THSD7B: variants seen among roughly 807,000 people sequenced by gnomAD.
THSD7B encodes the protein thrombospondin type-1 domain-containing protein 7B.
A neutral mutation model predicts 213.6 loss-of-function variants in THSD7B; 138 were observed. The ratio of observed to expected loss-of-function variants is 0.65; its 90% CI spans 0.56 to 0.74. The LOEUF (loss-of-function observed/expected upper bound fraction) is 0.74. Ranked by LOEUF, THSD7B falls within the 30% of genes least tolerant of loss-of-function variation. THSD7B has a pLI of 0.00. For missense variants in THSD7B, 1,931 were observed against 1,991.5 expected (o/e 0.97, Z 0.58); for synonymous variants, 742 against 687.0 (o/e 1.08, Z -1.25).
chr2:137,459,166 A>T (rs1041796282), intron 15 of THSD7B, among the ~76,000 whole-genome samples: 1 of 152,126 alleles, frequency 6.6e-6, no homozygotes, highest in Non-Finnish European at 1.5e-5. Context: ...CTTTTAAAAA[A>T]AAAATCTAAA....
intron 12 of THSD7B, among the ~76,000 whole-genome samples, chr2:137,319,592 G>A (rs776116448): frequency 6.6e-6 from 1 of 152,162 alleles, no homozygotes; most frequent in Non-Finnish European, 1.5e-5. Context: ...TTTATGAAGT[G>A]CAAAGCACTG....
intron 12 of THSD7B, among the ~76,000 whole-genome samples, chr2:137,316,764 A>G (rs1275866852): frequency 2.5e-5 from 3 of 119,896 alleles, no homozygotes; most frequent in Non-Finnish European, 3.8e-5. Flanking sequence ...TCTCAAAAAA[A>G]AAAAAGAAAA....
intron 3 of THSD7B, among the ~76,000 whole-genome samples, chr2:137,079,428 A>G (rs1036452817): frequency 1.3e-5 from 2 of 152,226 alleles, no homozygotes; most frequent in Non-Finnish European, 2.9e-5. Context: ...CAAAACTTCT[A>G]TTTCTTCATA....
At chr2:137,391,726 T>C (rs1230752762) in intron 12 of THSD7B, among the ~76,000 whole-genome samples, 1 of 152,124 alleles carries the variant, frequency 6.6e-6, no homozygotes, top group East Asian at 1.9e-4. Context: ...TGTTACTCTT[T>C]TGCATGCTAC....
At chr2:137,323,937 T>C (rs1303019905) in intron 12 of THSD7B, among the ~76,000 whole-genome samples, 1 of 152,156 alleles carries the variant, frequency 6.6e-6, no homozygotes, top group Non-Finnish European at 1.5e-5. Flanking sequence ...TCCCATGTTT[T>C]CCCTAAGTCA....
At chr2:137,453,411 G>A (rs1687694024) in intron 15 of THSD7B, among the ~76,000 whole-genome samples, 1 of 131,052 alleles carries the variant, frequency 7.6e-6, no homozygotes, top group Non-Finnish European at 1.5e-5. Flanking sequence ...CTCACTGCAA[G>A]CTCTGCCTCC....
intron 3 of THSD7B, among the ~76,000 whole-genome samples, chr2:137,061,185 T>C (rs1433961201): frequency 1.3e-5 from 2 of 152,000 alleles, no homozygotes; most frequent in East Asian, 3.9e-4. Context: ...ACTTTTTATA[T>C]TAACCTTGCA....
intron 17 of THSD7B, among the ~76,000 whole-genome samples, chr2:137,592,565 T>A (rs1350146439): frequency 6.6e-6 from 1 of 151,940 alleles, no homozygotes; most frequent in East Asian, 1.9e-4. Flanking sequence ...AGACTATAAC[T>A]TTTATTCCTA....
rs74539832 is a variant in THSD7B at position 137,287,891 on chromosome 2, A to C, written c.2500+11865A>C. On this transcript the variant is annotated intron_variant, in intron 12 of 27. Transcript: ENST00000409968. ...TCACAGAACTATCTTCCCTTCAGGA[A>C]TGCTAATATGAATTTCAAAGTCTAC... 8.9e-3 allele frequency among the ~76,000 whole-genome samples: 1,348 copies of C among 152,220 alleles called. 37 individuals carry two copies. Among genetic ancestry groups the C allele is most frequent in the African/African-American group, 0.031 (1,291 of 41,574 alleles).
chr2:137,622,649 C>A (rs1039692801), intron 20 of THSD7B, among the ~76,000 whole-genome samples: 3 of 152,076 alleles, frequency 2.0e-5, no homozygotes, highest in African/African-American at 7.2e-5. Context: ...ACAGGGATAT[C>A]ACCACCGATC....
intron 12 of THSD7B, among the ~76,000 whole-genome samples, chr2:137,361,663 C>T (rs377763299): frequency 2.1e-4 from 32 of 152,112 alleles, no homozygotes; most frequent in East Asian, 1.4e-3. Context: ...TGAAATGAAG[C>T]GCGAAGAGAA....
intron 12 of THSD7B, among the ~76,000 whole-genome samples, chr2:137,352,697 A>T (rs1303344845): frequency 6.6e-6 from 1 of 151,954 alleles, no homozygotes; most frequent in Non-Finnish European, 1.5e-5. Flanking sequence ...CCCTCTAATT[A>T]TGGACCACGT....
chr2:136,870,963 G>A (rs1683422158), intron 1 of THSD7B, among the ~76,000 whole-genome samples: 1 of 152,190 alleles, frequency 6.6e-6, no homozygotes, highest in Non-Finnish European at 1.5e-5. Context: ...CAGCTCTGGG[G>A]AGAATTGGTG....
chr2:137,346,995 C>T (rs752602123), intron 12 of THSD7B, among the ~76,000 whole-genome samples: 1 of 151,516 alleles, frequency 6.6e-6, no homozygotes, highest in African/African-American at 2.4e-5. Flanking sequence ...TTCTGAGGAG[C>T]CTCCATACTA....
At chr2:137,062,859 ACTGATGTTATTC>A in intron 3 of THSD7B, among the ~76,000 whole-genome samples, 1 of 151,870 alleles carries the variant, frequency 6.6e-6, no homozygotes, top group Non-Finnish European at 1.5e-5. Context: ...CTATGTTCTT[ACTGATGTTATTC>A]CTGATGGATC....
At chr2:136,861,439 A>C (rs1423413441) in intron 1 of THSD7B, among the ~76,000 whole-genome samples, 1 of 152,232 alleles carries the variant, frequency 6.6e-6, no homozygotes, top group African/African-American at 2.4e-5. Flanking sequence ...CAACTCCACA[A>C]TAAACATGTA....
chr2:137,673,982 G>A (rs188544164), intron 27 of THSD7B, among the ~76,000 whole-genome samples: 4 of 152,260 alleles, frequency 2.6e-5, no homozygotes, highest in East Asian at 3.9e-4. Flanking sequence ...AGTAGCCCCC[G>A]CTGGCCACAG....
chr2:136,864,280 G>T (rs1287153153), intron 1 of THSD7B, among the ~76,000 whole-genome samples: 1 of 152,062 alleles, frequency 6.6e-6, no homozygotes, highest in African/African-American at 2.4e-5. Context: ...CACACAGTGT[G>T]TTCTCTGGAT....
chr2:137,659,645 G>C lies in THSD7B; in HGVS notation c.4376-19G>C. 3 of 1,577,710 alleles carry C rather than the reference G, an allele frequency of 1.9e-6. No individual in the cohort carries two copies. Among genetic ancestry groups the C allele is most frequent in the Non-Finnish European group, 2.6e-6 (3 of 1,162,364 alleles). ...TCTAATAGAGAAATCTGCAAATGATGGTGGAATTTCCTTTGCAGGAGGCTG... is the reference window on the plus strand; with the variant it reads ...TCTAATAGAGAAATCTGCAAATGATCGTGGAATTTCCTTTGCAGGAGGCTG... On this transcript the variant is annotated intron_variant, in intron 24 of 27. Transcript: ENST00000409968.
Sources: allele counts gnomAD v4.1 joint callset (sites outside exome capture counted in the v4.1 genomes callset), GRCh38; gene constraint gnomAD v4.1.1; transcripts MANE v1.5; gene names NCBI Gene and HGNC (gene_info 2026-07-23, HGNC 2026-07-21).